The following CDH2 variants were observed in gnomAD, a reference collection of about 807,000 sequenced individuals.
CDH2 encodes the protein cadherin 2, also known as cadherin-2.
CDH2 carries 17 observed loss-of-function variants against 92.0 expected under a neutral mutation model. The ratio of observed to expected loss-of-function variants is 0.18; its 90% CI spans 0.13 to 0.28. The LOEUF (loss-of-function observed/expected upper bound fraction) is 0.28. Ranked by LOEUF, CDH2 falls within the 10% of genes least tolerant of loss-of-function variation. The pLI, the probability that CDH2 is intolerant of heterozygous loss-of-function variation, is 1.00. For missense variants in CDH2, 862 were observed against 1,133.1 expected (o/e 0.76, Z 3.44); for synonymous variants, 419 against 415.9 (o/e 1.01, Z -0.09).
chr18:28,071,539 TC>T (rs1361171344), intron 2 of CDH2, among the ~76,000 whole-genome samples: 1 of 152,068 alleles, frequency 6.6e-6, no homozygotes, highest in Non-Finnish European at 1.5e-5. Flanking sequence ...TCAGACCTTT[TC>T]CCCCTTCCTC....
exon 7 of CDH2, among the ~76,000 whole-genome samples, chr18:27,932,896 T>C (rs918572274): frequency 6.6e-6 from 1 of 152,206 alleles, no homozygotes; most frequent in African/African-American, 2.4e-5. Flanking sequence ...ATGCATTTTT[T>C]ATTTTAGAGA....
At chr18:28,036,592 C>G (rs778896681) in intron 2 of CDH2, 53 of 1,374,156 alleles carry the variant, frequency 3.9e-5, no homozygotes, top group Admixed American at 1.2e-4. Flanking sequence ...GCTTAGTGAA[C>G]AAAGTCATAA....
At chr18:28,155,476 G>T (rs17446903) in intron 1 of CDH2, among the ~76,000 whole-genome samples, 10 of 152,098 alleles carry the variant, frequency 6.6e-5, no homozygotes, top group Non-Finnish European at 1.3e-4. Context: ...AAGGAATACC[G>T]TAAAGAAATC....
chr18:27,987,705 T>C (rs548775597), intron 11 of CDH2, among the ~76,000 whole-genome samples: 1 of 152,344 alleles, frequency 6.6e-6, no homozygotes, highest in East Asian at 1.9e-4. Flanking sequence ...CTGTTTCAAA[T>C]GCTTCATATA....
At chr18:28,151,925 C>T (rs1445769082) in intron 1 of CDH2, among the ~76,000 whole-genome samples, 2 of 152,174 alleles carry the variant, frequency 1.3e-5, no homozygotes, top group African/African-American at 4.8e-5. Flanking sequence ...TATGAATGAA[C>T]ATGGCTGTGT....
chr18:28,027,846 G>GT (rs5823577), intron 2 of CDH2, among the ~76,000 whole-genome samples: 8,611 of 143,950 alleles, frequency 0.06, 815 homozygotes, highest in African/African-American at 0.2. Flanking sequence ...GTTTTGTTTT[G>GT]TTTTTTTTTT....
chr18:27,979,632 A>G (rs2011973331), intron 14 of CDH2, among the ~76,000 whole-genome samples: 1 of 152,246 alleles, frequency 6.6e-6, no homozygotes, highest in African/African-American at 2.4e-5. Context: ...AATACTATTC[A>G]GCAGTGACAA....
chr18:28,107,037 A>G (rs968277680), intron 2 of CDH2, among the ~76,000 whole-genome samples: 2 of 152,152 alleles, frequency 1.3e-5, no homozygotes, highest in Non-Finnish European at 2.9e-5. Context: ...AGTGAAGCTG[A>G]AAAACTCCAC....
chr18:27,978,814 G>C (rs1034529147), intron 14 of CDH2, among the ~76,000 whole-genome samples: 8 of 151,724 alleles, frequency 5.3e-5, no homozygotes, highest in Non-Finnish European at 8.8e-5. Flanking sequence ...TACCATGCCT[G>C]GTTAATTAAC....
At chr18:28,151,958 A>G (rs2016129584) in intron 1 of CDH2, among the ~76,000 whole-genome samples, 1 of 152,200 alleles carries the variant, frequency 6.6e-6, no homozygotes, top group Non-Finnish European at 1.5e-5. Flanking sequence ...AACTTCATGT[A>G]TCCTGAAATT....
intron 2 of CDH2, among the ~76,000 whole-genome samples, chr18:28,073,192 A>G (rs2014653785): frequency 6.6e-6 from 1 of 152,192 alleles, no homozygotes. Flanking sequence ...AAATAGCCCT[A>G]TTAGTAAATG....
At chr18:28,006,601 C>T (rs4598992) in intron 5 of CDH2, among the ~76,000 whole-genome samples, 25,641 of 150,606 alleles carry the variant, frequency 0.17, 2,432 homozygotes, top group South Asian at 0.29. Context: ...TGGCATATGT[C>T]TGTAAGCCCA....
At chr18:28,009,337 T>C (rs2013029836) in intron 5 of CDH2, among the ~76,000 whole-genome samples, 1 of 152,156 alleles carries the variant, frequency 6.6e-6, no homozygotes, top group East Asian at 1.9e-4. Flanking sequence ...TTCACTTTGA[T>C]TAGAATACTA....
At chr18:27,949,152 G>A (rs773496764), downstream of CDH2, among the ~76,000 whole-genome samples, 9 of 151,880 alleles carry the variant, frequency 5.9e-5, no homozygotes, top group Non-Finnish European at 1.3e-4. Context: ...AAAAGAAGGC[G>A]GCCCTGGCTG....
chr18:28,031,665 T>A (rs1029399598), intron 2 of CDH2, among the ~76,000 whole-genome samples: 1 of 151,944 alleles, frequency 6.6e-6, no homozygotes, highest in Non-Finnish European at 1.5e-5. Flanking sequence ...TACTGAACAA[T>A]GGACGAGAAG....
At chr18:28,130,544 A>T (rs1281656256) in intron 2 of CDH2, among the ~76,000 whole-genome samples, 2 of 152,250 alleles carry the variant, frequency 1.3e-5, no homozygotes, top group Non-Finnish European at 2.9e-5. Context: ...AATCAGAGAC[A>T]CCTGTGAAAC....
rs1226064368 is a variant in CDH2, at chr18:28,005,892, T to C, written c.804A>G (p.Leu268=). ...GAACTGTCCCATTCCAAACCTGGTGTAAGAACTCAGGTCTGTTGTCATTCA... is the reference window on the plus strand; with the variant it reads ...GAACTGTCCCATTCCAAACCTGGTGCAAGAACTCAGGTCTGTTGTCATTCA... ...IDMNDNRPEF[L]HQVWNGTVPE... Residue 268 remains leucine, a synonymous_variant, in exon 6 of 16, where the codon TTA becomes TTG. Transcript: ENST00000269141. 2 of 1,613,406 alleles carry C rather than the reference T, an allele frequency of 1.2e-6. No homozygotes were observed. Among genetic ancestry groups the C allele is most frequent in the East Asian group, 2.2e-5 (1 of 44,850 alleles).
At chr18:28,124,859 G>C (rs2015651047) in intron 2 of CDH2, among the ~76,000 whole-genome samples, 1 of 152,168 alleles carries the variant, frequency 6.6e-6, no homozygotes, top group African/African-American at 2.4e-5. Context: ...TCAGTTTCAA[G>C]ATATGGAGTA....
At chr18:28,141,985 T>A (rs1333663209) in intron 2 of CDH2, among the ~76,000 whole-genome samples, 1 of 152,038 alleles carries the variant, frequency 6.6e-6, no homozygotes, top group Admixed American at 6.6e-5. Context: ...CCATCCTATT[T>A]AAATGCAAAG....
Sources: allele counts gnomAD v4.1 joint callset (sites outside exome capture counted in the v4.1 genomes callset), GRCh38; gene constraint gnomAD v4.1.1; transcripts MANE v1.5; gene names NCBI Gene and HGNC (gene_info 2026-07-23, HGNC 2026-07-21).